HLTF: variants seen among roughly 807,000 people sequenced by gnomAD.
HLTF encodes helicase like transcription factor.
Under a neutral mutation model 129.4 loss-of-function variants are expected in HLTF, and 127 were observed. The ratio of observed to expected loss-of-function variants is 0.98; its 90% CI spans 0.85 to 1.14. The LOEUF is 1.14. Ranked by LOEUF, HLTF falls within the 50% of genes most tolerant of loss-of-function variation. HLTF has a pLI of 0.00. For synonymous variants in HLTF, 332 were observed against 388.8 expected, an observed-to-expected ratio of 0.85 and a Z score of 1.72; for missense variants, 1,139 against 1,187.1, an observed-to-expected ratio of 0.96 and a Z score of 0.60.
Position 149,071,347 on chromosome 3 carries a change from G to A in HLTF, c.799C>T (p.Arg267Ter), listed in dbSNP as rs770061848. The A allele has an allele frequency of 3.7e-6, 6 of 1,611,646 alleles. No individual in the cohort carries two copies. The highest frequency in any genetic ancestry group is 1.7e-5 in the Admixed American group (1 of 60,000). Reference sequence around the variant, plus strand: ...ATTGTGTTATAGTATAAGTCATTTCGCTGTTCCCAGAATGGTGGAAGTTCT... The same window carrying A: ...ATTGTGTTATAGTATAAGTCATTTCACTGTTCCCAGAATGGTGGAAGTTCT... ...SKELPPFWEQ[R>*]NDLYYNTITN... Residue 267 changes from arginine to a stop codon, truncating the protein, a stop_gained, in exon 7 of 25, where the codon CGA becomes TGA. Transcript: ENST00000310053. LOFTEE classifies it high-confidence loss of function.
In HLTF at chr3:149,071,289, T is replaced by G. The variant is rs777095963; in HGVS notation, c.857A>C (p.Asn286Thr). ...ATCAGCTAAAATTCCTCCATGGACA[T>G]TTTCTGGTCGGTCCTTCTCAGAAAA... Reference protein sequence around the residue: ...TNFSEKDRPENVHGGILADDM... With the variant: ...TNFSEKDRPETVHGGILADDM... The change falls in exon 7 of 25, where the codon AAT becomes ACT. Residue 286 changes from asparagine to threonine, a missense_variant. Coordinates refer to ENST00000310053, the MANE Select transcript of HLTF (RefSeq NM_003071.4). 2.5e-6 allele frequency: 4 copies of G among 1,601,888 alleles called. No homozygotes were observed. Among genetic ancestry groups the G allele is most frequent in the Admixed American group, 1.7e-5 (1 of 57,848 alleles).
rs1716195953 is a variant in HLTF at position 149,042,271 on chromosome 3, C to T, written c.2092G>A (p.Val698Ile). 4 of 1,611,346 alleles carry T rather than the reference C, an allele frequency of 2.5e-6. No homozygotes were observed. In the Admixed American group the frequency reaches 6.7e-5, roughly 27 times the overall value. Residue 698 changes from valine to isoleucine, a missense_variant, in exon 19 of 25, where the codon GTC (valine) becomes ATC (isoleucine). Transcript: ENST00000310053. ...TIGRYFNEGT[V>I]LAHYADVLGL... ...AGGACATCTGCATAATGTGCCAGGA[C>T]AGTCCCTTCATTAAAATACCTAGAG... is the stretch of plus-strand genomic sequence containing the variant.
chr3:149,073,409 C>T (rs1398878221), intron 4 of HLTF, 87 bp from the exon 5 acceptor site: 2 of 922,664 alleles, frequency 2.2e-6, no homozygotes, highest in African/African-American at 3.3e-5. Flanking sequence ...TATGCATTAA[C>T]AGGGCTGGGT....
chr3:149,086,403 C>G lies in HLTF; in HGVS notation c.-67G>C. 6.6e-7 allele frequency: 1 copy of G among 1,526,564 alleles called. No homozygotes were observed. The highest frequency in any genetic ancestry group is 1.2e-5 in the South Asian group (1 of 83,762). The allele number at this position is 1,526,564 out of a possible 1,614,324, so 94.6% of individuals were successfully genotyped here. A position where few individuals can be genotyped will look rare whatever the true frequency, so the allele number is the denominator to read the frequency against. ...GGATCGTTTTCGAGCCGCCTCGATACGCCTCCTTCCAGGCCCCGCAGCCCT... is the reference window on the plus strand; with the variant it reads ...GGATCGTTTTCGAGCCGCCTCGATAGGCCTCCTTCCAGGCCCCGCAGCCCT... On this transcript the variant is annotated 5_prime_UTR_variant, in exon 1 of 25. Transcript: ENST00000310053.
At chr3:149,036,773 G>A (rs1324166514) in intron 23 of HLTF, among the ~76,000 whole-genome samples, 1 of 151,902 alleles carries the variant, frequency 6.6e-6, no homozygotes, top group Non-Finnish European at 1.5e-5. Flanking sequence ...AAAATTTAAT[G>A]GTAAAAGACT....
intron 23 of HLTF, among the ~76,000 whole-genome samples, chr3:149,036,119 A>G (rs1439804416): frequency 6.6e-6 from 1 of 151,572 alleles, no homozygotes; most frequent in Non-Finnish European, 1.5e-5. Flanking sequence ...TGGGCGACAG[A>G]GCGAGACTAC....
Position 149,064,861 on chromosome 3 carries a change from A to G in HLTF, c.996T>C (p.Tyr332=). The change falls in exon 9 of 25, where the codon TAT becomes TAC. Residue 332 remains tyrosine, a synonymous_variant. Transcript: ENST00000310053. ...RVKKNLLKKE[Y]NVNDDSMKLG... The stretch of plus-strand genomic sequence containing the variant: ...GTTTCATAGAGTCATCGTTAACATT[A>G]TATTCCTGGGTAAATAGGCATATTT... 6.3e-7 allele frequency: 1 copy of G among 1,579,972 alleles called. No homozygotes were observed. Among genetic ancestry groups the G allele is most frequent in the Non-Finnish European group, 8.7e-7 (1 of 1,150,070 alleles).
chr3:149,050,684 A>G (rs571064677), intron 14 of HLTF, among the ~76,000 whole-genome samples: 16 of 152,224 alleles, frequency 1.1e-4, no homozygotes, highest in Admixed American at 7.2e-4. Flanking sequence ...AAGGCCCTTT[A>G]ATGCTGCATT....
Position 149,031,594 on chromosome 3 carries a change from C to T in HLTF, c.*626G>A, listed in dbSNP as rs1715054243. ...TAACTAAAATGGAAAAAATAGTACTCTTAACATAATCCCTAATTTTTTCAT... is the reference window on the plus strand; with the variant it reads ...TAACTAAAATGGAAAAAATAGTACTTTTAACATAATCCCTAATTTTTTCAT... On this transcript the variant is annotated 3_prime_UTR_variant, in exon 25 of 25. Transcript: ENST00000310053. The T allele has an allele frequency of 6.6e-6, 1 of 152,336 alleles. No individual in the cohort carries two copies. The allele number at this position is 152,336 out of a possible 1,614,324, so 9.4% of individuals were successfully genotyped here.
Position 149,048,926 on chromosome 3 carries a change from G to A in HLTF, c.1693C>T (p.Pro565Ser). 2 of 1,612,664 alleles carry A rather than the reference G, an allele frequency of 1.2e-6. No homozygotes were observed. Among genetic ancestry groups the A allele is most frequent in the Non-Finnish European group, 1.7e-6 (2 of 1,178,830 alleles). Reference sequence around the variant, plus strand: ...ACAGCTTTTGTCTGCTGAGCATTTGGATTTCGTATGGCATGTCCTTCATCC... The same window carrying A: ...ACAGCTTTTGTCTGCTGAGCATTTGAATTTCGTATGGCATGTCCTTCATCC... ...ILDEGHAIRN[P>S]NAQQTKAVLD... Residue 565 changes from proline (P) to serine (S), a missense_variant, in exon 16 of 25, where the codon CCA (proline) becomes TCA (serine). Physicochemically the swap from Pro to Ser is moderately conservative, Grantham distance 74. Coordinates refer to ENST00000310053, the MANE Select transcript of HLTF (RefSeq NM_003071.4).
intron 8 of HLTF, 37 bp downstream of exon 8, chr3:149,068,203 G>A (rs1323485857): frequency 6.1e-6 from 5 of 814,154 alleles, no homozygotes; most frequent in Non-Finnish European, 1.0e-5. Flanking sequence ...ACAATAAACT[G>A]GAGGTTTCAC....
chr3:149,057,536 T>C (rs1353951330), intron 13 of HLTF, among the ~76,000 whole-genome samples: 1 of 152,220 alleles, frequency 6.6e-6, no homozygotes, highest in East Asian at 1.9e-4. Flanking sequence ...ACTGTGGGAC[T>C]TGAGTATGCG....
chr3:149,083,759 A>AAC (rs1720088399), intron 2 of HLTF: 1 of 143,506 alleles, frequency 7.0e-6, no homozygotes, highest in Non-Finnish European at 1.6e-5. Flanking sequence ...CAAAAAAAAA[A>AAC]AATACAAAAA....
Position 149,086,517 on chromosome 3 carries a change from T to TGA in HLTF, c.-182_-181insTC. ...AGTCCAGTCAGACGTCGACGCCGTC[T>TGA]CCTTCTGCAACAATCTGGGAGACCA... On this transcript the variant is annotated 5_prime_UTR_variant, in exon 1 of 25. Transcript: ENST00000310053. 1 of 641,804 alleles carries TGA rather than the reference T, an allele frequency of 1.6e-6. No individual in the cohort carries two copies. Among genetic ancestry groups the TGA allele is most frequent in the Non-Finnish European group, 2.7e-6 (1 of 367,294 alleles). 39.8% of individuals were successfully genotyped at this position (641,804 alleles called of 1,614,324 possible). A position where few individuals can be genotyped will look rare whatever the true frequency, so the allele number is the denominator to read the frequency against.
intron 5 of HLTF, among the ~76,000 whole-genome samples, chr3:149,072,936 T>C (rs746077278): frequency 1.6e-4 from 24 of 152,340 alleles, no homozygotes; most frequent in East Asian, 3.9e-4. Context: ...AATTACTACT[T>C]GAACATTTAA....
chr3:149,042,359 G>A (rs1420759852), intron 18 of HLTF, 69 bp from the exon 19 acceptor site: 2 of 1,299,746 alleles, frequency 1.5e-6, no homozygotes, highest in East Asian at 2.4e-5. Flanking sequence ...TAAAACAGCA[G>A]AGTAAAATGG....
chr3:149,055,859 T>C (rs554829722), intron 13 of HLTF, among the ~76,000 whole-genome samples: 1 of 152,346 alleles, frequency 6.6e-6, no homozygotes, highest in African/African-American at 2.4e-5. Context: ...ATGTCACTTC[T>C]GAGATAGATT....
At chr3:149,054,083 C>A (rs1717221887) in intron 14 of HLTF, among the ~76,000 whole-genome samples, 1 of 151,862 alleles carries the variant, frequency 6.6e-6, no homozygotes, top group East Asian at 1.9e-4. Context: ...TAATTCATGT[C>A]ACGGAAAAAA....
rs969708636 is a variant in HLTF at position 149,031,504 on chromosome 3, C to A, written c.*716G>T. On this transcript the variant is annotated 3_prime_UTR_variant, in exon 25 of 25. Transcript: ENST00000310053. ...GGGTAGGACTGGTTTGCCTCTCACT[C>A]CCACAGACTATATTTATACCTCAGA... 2.0e-5 allele frequency: 3 copies of A among 152,564 alleles called. No individual in the cohort carries two copies. The highest frequency in any genetic ancestry group is 2.9e-5 in the Non-Finnish European group (2 of 68,008). 9.5% of individuals were successfully genotyped at this position (152,564 alleles called of 1,614,324 possible). A position where few individuals can be genotyped will look rare whatever the true frequency, so the allele number is the denominator to read the frequency against.
Sources: allele counts gnomAD v4.1 joint callset (sites outside exome capture counted in the v4.1 genomes callset), GRCh38; gene constraint gnomAD v4.1.1; transcripts MANE v1.5; gene names NCBI Gene and HGNC (gene_info 2026-07-23, HGNC 2026-07-21).